HTR3E: variants seen among roughly 807,000 people sequenced by gnomAD.
HTR3E encodes the protein 5-hydroxytryptamine (serotonin) receptor 3, family member E.
A neutral mutation model predicts 38.0 loss-of-function variants in HTR3E; 38 were observed. The observed-to-expected ratio is 1.00, with a 90% CI of 0.77 to 1.31. The LOEUF is 1.31. HTR3E is among the 50% of genes most tolerant of loss of function. The pLI is 0.00. For synonymous variants in HTR3E, 210 were observed against 232.9 expected, an observed-to-expected ratio of 0.90 and a Z score of 0.89; for missense variants, 547 against 585.2, an observed-to-expected ratio of 0.93 and a Z score of 0.67.
chr3:184,101,323 C>T (rs1161412564), intron 2 of HTR3E, among the ~76,000 whole-genome samples, 162 bp from the exon 3 acceptor site: 1 of 152,218 alleles, frequency 6.6e-6, no homozygotes, highest in Non-Finnish European at 1.5e-5. Context: ...GCTGTGAACT[C>T]TCCTGTCCGT....
chr3:184,099,740 A>AAAAAAAAAC (rs1560093087), intron 1 of HTR3E, among the ~76,000 whole-genome samples: 7 of 53,196 alleles, frequency 1.3e-4, no homozygotes, highest in African/African-American at 7.2e-4. Flanking sequence ...AAAAAAAAAA[A>AAAAAAAAAC]GAAAGAAATA....
intron 1 of HTR3E, among the ~76,000 whole-genome samples, chr3:184,098,118 C>G (rs971602884): frequency 6.6e-5 from 10 of 152,140 alleles, no homozygotes; most frequent in African/African-American, 2.4e-4. Flanking sequence ...AGGTAAGGTG[C>G]CAGAAGGCAG....
chr3:184,097,658 C>G (rs1004813533), intron 1 of HTR3E, 62 bp downstream of exon 1: 31 of 1,284,788 alleles, frequency 2.4e-5, no homozygotes, highest in Middle Eastern at 1.9e-4. Context: ...AGTAGAACAT[C>G]TAGGAACTTT....
chr3:184,105,958 C>A lies in HTR3E; in HGVS notation c.914C>A (p.Thr305Asn), dbSNP rs1266833935. The A allele has an allele frequency of 5.0e-6, 8 of 1,614,000 alleles. No individual in the cohort carries two copies. Among genetic ancestry groups the A allele is most frequent in the East Asian group, 2.2e-5 (1 of 44,872 alleles). The change falls in exon 7 of 9, where the codon ACC becomes AAC. Residue 305 changes from threonine (T) to asparagine (N), a missense_variant. By Grantham distance (65) the Thr-to-Asn change is moderately conservative. Transcript: ENST00000415389. ...MMSDLLPTSG[T>N]PLIGVYFALC... is the part of the protein sequence containing the mutation. ...AGTGACTTGCTCCCCACCAGTGGCA[C>A]CCCCCTCATCGGTATGGCTCCTCCC...
In HTR3E at chr3:184,106,696, AGGTGCTC is replaced by A; in HGVS notation, c.*4_*10del. The A allele has an allele frequency of 6.2e-7, 1 of 1,613,808 alleles. No individual in the cohort carries two copies. The highest frequency in any genetic ancestry group is 8.5e-7 in the Non-Finnish European group (1 of 1,179,832). On this transcript the variant is annotated 3_prime_UTR_variant, in exon 9 of 9. Coordinates refer to ENST00000415389, the MANE Select transcript of HTR3E (RefSeq NM_001256613.2). The surrounding 1 kb of genome is among the most constrained non-coding windows in gnomAD (Gnocchi z 4.1). ...TCATATGCCTCTGGAACACCTAGGC[AGGTGCTC>A]ACCTGCCAACTTCAGTCTGGAGCTT...
At chr3:184,103,090 A>C (rs1359433372) in intron 3 of HTR3E, among the ~76,000 whole-genome samples, 1 of 152,238 alleles carries the variant, frequency 6.6e-6, no homozygotes, top group Non-Finnish European at 1.5e-5. Flanking sequence ...AGCATAACCC[A>C]GTGGAAAATT....
At chr3:184,100,392 C>G (rs1186344059) in intron 1 of HTR3E, 93 bp from the exon 2 acceptor site, 1 of 1,613,950 alleles carries the variant, frequency 6.2e-7, no homozygotes, top group Non-Finnish European at 8.5e-7. Context: ...TTCATTTTAT[C>G]ACGGGCGACC....
At chr3:184,104,587 T>G (rs1461825614) in intron 4 of HTR3E, among the ~76,000 whole-genome samples, 200 bp from the exon 5 acceptor site, 1 of 149,626 alleles carries the variant, frequency 6.7e-6, no homozygotes, top group Non-Finnish European at 1.5e-5. Context: ...GTGGTGCGCC[T>G]GTAGTCCCAG....
rs1238500473 is a variant in HTR3E, at chr3:184,106,502, G to A, written c.1180G>A (p.Gly394Ser). ...AGAGGTATCAGCAGGGCAGATGCCG[G>A]GCCCTGCGGAGGCAGAGCTGACAGG... ...EPEVSAGQMPGPAEAELTGGS... is the reference protein window; with the variant it reads ...EPEVSAGQMPSPAEAELTGGS... The change falls in exon 9 of 9, where the codon GGC becomes AGC. Residue 394 changes from glycine (G) to serine (S), a missense_variant. Coordinates refer to ENST00000415389, the MANE Select transcript of HTR3E (RefSeq NM_001256613.2). The surrounding 1 kb of genome is among the most constrained non-coding windows in gnomAD (Gnocchi z 4.1). 2 of 1,609,644 alleles carry A rather than the reference G, an allele frequency of 1.2e-6. No homozygotes were observed. Among genetic ancestry groups the A allele is most frequent in the South Asian group, 2.2e-5 (2 of 90,340 alleles).
rs1169196048 is a variant in HTR3E at position 184,097,277 on chromosome 3, G to GT, written c.-252dup. The GT allele has an allele frequency of 2.7e-6, 1 of 376,140 alleles. No homozygotes were observed. The highest frequency in any genetic ancestry group is 4.8e-6 in the Non-Finnish European group (1 of 206,224). 23.3% of individuals were successfully genotyped at this position (376,140 alleles called of 1,614,324 possible). On this transcript the variant is annotated 5_prime_UTR_variant, in exon 1 of 9. An upstream open reading frame in the 5' UTR loses its in-frame stop. Coordinates refer to ENST00000415389, the MANE Select transcript of HTR3E (RefSeq NM_001256613.2). ...TCACCAAGATCTGCAAGTTGATCAC[G>GT]TATGAACTATCTATAACCATTTACG... is the stretch of plus-strand genomic sequence containing the variant.
Position 184,106,981 on chromosome 3 carries a change from A to C in HTR3E, c.*288A>C, listed in dbSNP as rs1577016195. The C allele has an allele frequency of 2.9e-6, 1 of 344,318 alleles. No individual in the cohort carries two copies. The highest frequency in any genetic ancestry group is 5.3e-6 in the Non-Finnish European group (1 of 190,188). The allele number at this position is 344,318 out of a possible 1,614,324, so 21.3% of individuals were successfully genotyped here. A position where few individuals can be genotyped will look rare whatever the true frequency, so the allele number is the denominator to read the frequency against. On this transcript the variant is annotated 3_prime_UTR_variant, in exon 9 of 9. Transcript: ENST00000415389. This position sits in a 1 kb window ranked among gnomAD's most constrained non-coding sequence, Gnocchi z 4.1. The stretch of plus-strand genomic sequence containing the variant: ...TTCTGTCCGCTGACTTGCCCAATAA[A>C]TAATTCTGCAGAGATTTCTGGCTCT...
intron 1 of HTR3E, among the ~76,000 whole-genome samples, chr3:184,099,741 G>GA (rs1451522605): frequency 0.012 from 1,432 of 117,644 alleles, 68 homozygotes; most frequent in African/African-American, 0.049. Context: ...AAAAAAAAAA[G>GA]AAAGAAATAT....
Position 184,106,357 on chromosome 3 carries a change from C to T in HTR3E, c.1141+14C>T, listed in dbSNP as rs2108995865. ...CCCACCTGCCCGGTGAGGGAAGTCA[C>T]ATTCCTCTTCCCCCACCTCCACTTC... On this transcript the variant is annotated intron_variant, in intron 8 of 8. Coordinates refer to ENST00000415389, the MANE Select transcript of HTR3E (RefSeq NM_001256613.2). This position sits in a 1 kb window ranked among gnomAD's most constrained non-coding sequence, Gnocchi z 4.1. 3.8e-6 allele frequency: 6 copies of T among 1,598,160 alleles called. No individual in the cohort carries two copies. The highest frequency in any genetic ancestry group is 5.1e-6 in the Non-Finnish European group (6 of 1,172,242).
intron 2 of HTR3E, among the ~76,000 whole-genome samples, chr3:184,100,988 G>C (rs1303738887): frequency 6.6e-6 from 1 of 152,086 alleles, no homozygotes; most frequent in Non-Finnish European, 1.5e-5. Flanking sequence ...CTGTTGCCCA[G>C]GCTGGAGTGC....
chr3:184,106,498 G>T lies in HTR3E; in HGVS notation c.1176G>T (p.Met392Ile). The change falls in exon 9 of 9, where the codon ATG (methionine) becomes ATT (isoleucine). Residue 392 changes from methionine to isoleucine, a missense_variant. By Grantham distance (10) the Met-to-Ile change is conservative. Transcript: ENST00000415389. This position sits in a 1 kb window ranked among gnomAD's most constrained non-coding sequence, Gnocchi z 4.1. ...VKEPEVSAGQ[M>I]PGPAEAELTG... ...AGCCAGAGGTATCAGCAGGGCAGAT[G>T]CCGGGCCCTGCGGAGGCAGAGCTGA... 6.2e-7 allele frequency: 1 copy of T among 1,607,894 alleles called. No individual in the cohort carries two copies. Among genetic ancestry groups the T allele is most frequent in the Non-Finnish European group, 8.5e-7 (1 of 1,176,748 alleles).
Position 184,104,217 on chromosome 3 carries a change from G to C in HTR3E, c.315G>C (p.Glu105Asp), listed in dbSNP as rs143954162. 4 of 1,612,764 alleles carry C rather than the reference G, an allele frequency of 2.5e-6. No individual in the cohort carries two copies. The highest frequency in any genetic ancestry group is 1.7e-5 in the Admixed American group (1 of 59,860). Reference sequence around the variant, plus strand: ...ACCCATTTATCAGCTGGAACCCAGAGGAATGTGAGGGCATCACGAAGATGA... The same window carrying C: ...ACCCATTTATCAGCTGGAACCCAGACGAATGTGAGGGCATCACGAAGATGA... Reference protein sequence around the residue: ...WDNPFISWNPEECEGITKMSM... With the variant: ...WDNPFISWNPDECEGITKMSM... The change falls in exon 4 of 9, where the codon GAG (glutamate) becomes GAC (aspartate). Residue 105 changes from glutamate to aspartate, a missense_variant. By Grantham distance (45) the Glu-to-Asp change is conservative. Coordinates refer to ENST00000415389, the MANE Select transcript of HTR3E (RefSeq NM_001256613.2).
At chr3:184,105,616 G>C in intron 6 of HTR3E, 149 bp from the exon 7 acceptor site, 1 of 914,086 alleles carries the variant, frequency 1.1e-6, no homozygotes, top group Non-Finnish European at 1.7e-6. Context: ...TTCTATACCA[G>C]ATTCTAAAGC....
In HTR3E at chr3:184,106,175, G is replaced by C. The variant is rs373134132; in HGVS notation, c.973G>C (p.Glu325Gln). ...GTCCCTGATGGTGGGCAGCCTGCTG[G>C]AGACCATCTTCATCACCCACCTGCT... ...CLSLMVGSLL[E>Q]TIFITHLLHV... Residue 325 changes from glutamate (E) to glutamine (Q), a missense_variant, in exon 8 of 9, where the codon GAG becomes CAG. Coordinates refer to ENST00000415389, the MANE Select transcript of HTR3E (RefSeq NM_001256613.2). The surrounding 1 kb of genome is among the most constrained non-coding windows in gnomAD (Gnocchi z 4.1). 1 of 1,612,762 alleles carries C rather than the reference G, an allele frequency of 6.2e-7. No homozygotes were observed.
chr3:184,105,278 T>C lies in HTR3E; in HGVS notation c.571T>C (p.Leu191=). The C allele has an allele frequency of 6.2e-7, 1 of 1,612,358 alleles. No homozygotes were observed. The highest frequency in any genetic ancestry group is 2.2e-5 in the East Asian group (1 of 44,870). The change falls in exon 6 of 9, where the codon TTG becomes CTG. Residue 191 remains leucine, a synonymous_variant. Transcript: ENST00000415389. Reference sequence around the variant, plus strand: ...GTTCTCATTTTCAGTGGACAGCATGTTGCTGGACATGGAGAAAGAAGTGTG... The same window carrying C: ...GTTCTCATTTTCAGTGGACAGCATGCTGCTGGACATGGAGAAAGAAGTGTG... ...SSFLYTVDSM[L]LDMEKEVWEI...
Sources: allele counts gnomAD v4.1 joint callset (sites outside exome capture counted in the v4.1 genomes callset), GRCh38; gene constraint gnomAD v4.1.1; non-coding constraint Gnocchi (gnomAD v3.1); transcripts MANE v1.5; gene names NCBI Gene and HGNC (gene_info 2026-07-23, HGNC 2026-07-21).